Variants in OCLN observed in about 807,000 individuals in gnomAD.
OCLN encodes the protein phosphatase 1, regulatory subunit 115.
Under a neutral mutation model 47.9 loss-of-function variants are expected in OCLN, and 21 were observed. That is an observed-to-expected ratio of 0.44 (90% CI 0.31 to 0.63). OCLN has a LOEUF of 0.63. OCLN is among the 30% of genes least tolerant of loss of function. OCLN has a pLI of 0.08. For synonymous variants in OCLN, 117 were observed against 198.4 expected, an observed-to-expected ratio of 0.59 and a Z score of 3.45; for missense variants, 360 against 571.0, an observed-to-expected ratio of 0.63 and a Z score of 3.77.
intron 4 of OCLN, among the ~76,000 whole-genome samples, chr5:69,532,541 C>T (rs1309421216): frequency 2.6e-5 from 4 of 152,142 alleles, no homozygotes; most frequent in African/African-American, 7.2e-5. Context: ...CTAAATGATT[C>T]ATCTAGGATT....
intron 4 of OCLN, among the ~76,000 whole-genome samples, chr5:69,520,022 G>A (rs1164211102): frequency 6.6e-6 from 1 of 151,802 alleles, no homozygotes; most frequent in South Asian, 2.1e-4. Context: ...GCGATGGCAC[G>A]ATCTCAGCTC....
rs1309670545 is a variant in OCLN, at chr5:69,514,060, G to T, written c.842G>T (p.Trp281Leu). The change falls in exon 4 of 9, where the codon TGG (tryptophan) becomes TTG (leucine). Residue 281 changes from tryptophan (W) to leucine (L), a missense_variant. Trp to Leu is a moderately conservative substitution (Grantham distance 61). Coordinates refer to ENST00000396442, the MANE Select transcript of OCLN (RefSeq NM_001205254.2). ...MDRYDKSNIL[W>L]DKEHIYDEQP... ...AGGTATGACAAGTCCAATATTTTGT[G>T]GGACAAGGAACACATTTATGATGAG... is the stretch of plus-strand genomic sequence containing the variant. The T allele has an allele frequency of 2.5e-6, 4 of 1,614,060 alleles. No individual in the cohort carries two copies. The highest frequency in any genetic ancestry group is 2.5e-6 in the Non-Finnish European group (3 of 1,179,938).
At chr5:69,523,156 A>G (rs1308650834) in intron 4 of OCLN, among the ~76,000 whole-genome samples, 1 of 152,072 alleles carries the variant, frequency 6.6e-6, no homozygotes, top group Non-Finnish European at 1.5e-5. Context: ...CTTGTTTTTT[A>G]TTATAGTATG....
At chr5:69,498,921 C>T (rs571669447) in intron 1 of OCLN, among the ~76,000 whole-genome samples, 1 of 152,098 alleles carries the variant, frequency 6.6e-6, no homozygotes, top group Non-Finnish European at 1.5e-5. Flanking sequence ...TCAAGTGATC[C>T]GCCCGTCTTG....
At chr5:69,511,434 G>A (rs1768783783) in intron 3 of OCLN, among the ~76,000 whole-genome samples, 1 of 151,244 alleles carries the variant, frequency 6.6e-6, no homozygotes, top group African/African-American at 2.4e-5. Flanking sequence ...TTGTTTTTGA[G>A]ACAGAGTCTC....
In OCLN at chr5:69,509,310, G is replaced by A; in HGVS notation, c.220G>A (p.Val74Met). 1 of 1,614,126 alleles carries A rather than the reference G, an allele frequency of 6.2e-7. No individual in the cohort carries two copies. Reference protein sequence around the residue: ...VIRILSMLIIVMCIAIFACVA... With the variant: ...VIRILSMLIIMMCIAIFACVA... ...TCGGATCCTGTCTATGCTCATTATT[G>A]TGATGTGCATTGCCATCTTTGCCTG... Residue 74 changes from valine (V) to methionine (M), a missense_variant, in exon 3 of 9, where the codon GTG becomes ATG. Val to Met is a conservative substitution (Grantham distance 21, BLOSUM62 1). Transcript: ENST00000396442.
chr5:69,498,323 G>A (rs756073197), intron 1 of OCLN, among the ~76,000 whole-genome samples: 1 of 151,988 alleles, frequency 6.6e-6, no homozygotes, highest in African/African-American at 2.4e-5. Context: ...GTGAAACCCC[G>A]TTTCTACTAA....
rs1452887614 is a variant in OCLN at position 69,553,835 on chromosome 5, C to T, written c.*164C>T. 4 of 933,230 alleles carry T rather than the reference C, an allele frequency of 4.3e-6. No individual in the cohort carries two copies. Among genetic ancestry groups the T allele is most frequent in the Non-Finnish European group, 6.5e-6 (4 of 616,052 alleles). 57.8% of individuals were successfully genotyped at this position (933,230 alleles called of 1,614,324 possible). A position where few individuals can be genotyped will look rare whatever the true frequency, so the allele number is the denominator to read the frequency against. On this transcript the variant is annotated 3_prime_UTR_variant, in exon 9 of 9. Coordinates refer to ENST00000396442, the MANE Select transcript of OCLN (RefSeq NM_001205254.2). The stretch of plus-strand genomic sequence containing the variant: ...CAGTATTGAAGCATTTTATAAATCG[C>T]TTTTGATAATCAACTGGGCTGAACA...
chr5:69,504,314 G>A lies in OCLN; in HGVS notation c.50+20G>A, dbSNP rs1453915804. 6.8e-7 allele frequency: 1 copy of A among 1,466,084 alleles called. No homozygotes were observed. The highest frequency in any genetic ancestry group is 2.3e-5 in the East Asian group (1 of 44,162). 90.8% of individuals were successfully genotyped at this position (1,466,084 alleles called of 1,614,324 possible). On this transcript the variant is annotated intron_variant, in intron 2 of 8. Transcript: ENST00000396442. Reference sequence around the variant, plus strand: ...TGAATTGTAAGTAAATAATTCTTTAGTTATTCTCTTTTAAAAAGTCTATCA... The same window carrying A: ...TGAATTGTAAGTAAATAATTCTTTAATTATTCTCTTTTAAAAAGTCTATCA...
At chr5:69,528,654 C>A (rs1769346538) in intron 4 of OCLN, among the ~76,000 whole-genome samples, 1 of 152,166 alleles carries the variant, frequency 6.6e-6, no homozygotes, top group Non-Finnish European at 1.5e-5. Context: ...GGGTTCAAAT[C>A]TCCCCTCTGC....
intron 2 of OCLN, among the ~76,000 whole-genome samples, chr5:69,508,638 G>A (rs904951806): frequency 6.6e-6 from 1 of 152,184 alleles, no homozygotes; most frequent in Non-Finnish European, 1.5e-5. Context: ...ACCGTGCCCA[G>A]CCGGACTAGA....
chr5:69,501,647 A>G (rs926846631), intron 1 of OCLN, among the ~76,000 whole-genome samples: 3 of 151,548 alleles, frequency 2.0e-5, no homozygotes, highest in African/African-American at 7.3e-5. Flanking sequence ...AAAAAAAAGT[A>G]TAGAGAAATT....
chr5:69,515,483 C>T (rs1580562603), intron 4 of OCLN, among the ~76,000 whole-genome samples: 4 of 117,426 alleles, frequency 3.4e-5, no homozygotes, highest in African/African-American at 9.8e-5. Flanking sequence ...TAGGGGCGGC[C>T]GGGCAGAGGC....
At chr5:69,515,880 C>T (rs1318094153) in intron 4 of OCLN, among the ~76,000 whole-genome samples, 1 of 150,058 alleles carries the variant, frequency 6.7e-6, no homozygotes, top group Non-Finnish European at 1.5e-5. Context: ...CAGAGGCGCT[C>T]CCCACATCTT....
At chr5:69,527,211 T>C (rs998618300) in intron 4 of OCLN, among the ~76,000 whole-genome samples, 1 of 150,498 alleles carries the variant, frequency 6.6e-6, no homozygotes, top group African/African-American at 2.5e-5. Context: ...CAGGAGACGG[T>C]GGTTGCAGTG....
chr5:69,508,268 C>T lies in OCLN; in HGVS notation c.51-873C>T, dbSNP rs542337636. ...ATGTTCTCCAGGCTGGTCTCAAACT[C>T]CTGGCCTCAAGTGATCTGCCCACCT... is the stretch of plus-strand genomic sequence containing the variant. On this transcript the variant is annotated intron_variant, in intron 2 of 8. Coordinates refer to ENST00000396442, the MANE Select transcript of OCLN (RefSeq NM_001205254.2). Among the ~76,000 whole-genome samples, 3 of 152,256 alleles carry T rather than the reference C, an allele frequency of 2.0e-5. No individual in the cohort carries two copies. The South Asian group carries it at 6.2e-4, about 32-fold the overall frequency.
chr5:69,527,907 TA>T lies in OCLN; in HGVS notation c.892-6786del, dbSNP rs1186765627. On this transcript the variant is annotated intron_variant, in intron 4 of 8. Transcript: ENST00000396442. ...CTTCTCGGTTGGGGGCTTAGGATTT[TA>T]TTTATAGTTCTCATTGGTCTATATT... Among the ~76,000 whole-genome samples, 9 of 152,296 alleles carry T rather than the reference TA, an allele frequency of 5.9e-5. 1 individual carries two copies. The highest frequency in any genetic ancestry group is 2.2e-4 in the African/African-American group (9 of 41,564).
At chr5:69,499,275 A>G (rs958353129) in intron 1 of OCLN, among the ~76,000 whole-genome samples, 4 of 151,802 alleles carry the variant, frequency 2.6e-5, no homozygotes, top group Admixed American at 6.6e-5. Flanking sequence ...GGGTCTTACT[A>G]TGTTGCTGTG....
chr5:69,533,769 CA>C (rs1278538337), intron 4 of OCLN, among the ~76,000 whole-genome samples: 1 of 152,220 alleles, frequency 6.6e-6, no homozygotes, highest in African/African-American at 2.4e-5. Flanking sequence ...TCTCTTGCCT[CA>C]GCCTCCCGAG....
Sources: allele counts gnomAD v4.1 joint callset (sites outside exome capture counted in the v4.1 genomes callset), GRCh38; gene constraint gnomAD v4.1.1; transcripts MANE v1.5; gene names NCBI Gene and HGNC (gene_info 2026-07-23, HGNC 2026-07-21).